The following SORCS3 variants were observed in gnomAD, a reference collection of about 807,000 sequenced individuals.
The protein encoded by SORCS3 is VPS10 domain-containing receptor SorCS3.
SORCS3 carries 57 observed loss-of-function variants against 146.3 expected under a neutral mutation model. The ratio of observed to expected loss-of-function variants is 0.39; its 90% CI spans 0.31 to 0.49. SORCS3 has a LOEUF of 0.49. Among genes scored for constraint, SORCS3 ranks in the 20% least tolerant of loss-of-function variants. The pLI, the probability that SORCS3 is intolerant of heterozygous loss-of-function variation, is 0.92. For synonymous variants in SORCS3, 653 were observed against 618.5 expected (o/e 1.06, Z -0.83); for missense variants, 1,341 against 1,575.5 (o/e 0.85, Z 2.52).
At chr10:104,781,222 C>A (rs562760559) in intron 1 of SORCS3, among the ~76,000 whole-genome samples, 1 of 152,320 alleles carries the variant, frequency 6.6e-6, no homozygotes, top group Non-Finnish European at 1.5e-5. Flanking sequence ...AGCAAGTCAT[C>A]TGAAGCCAGA....
chr10:105,088,776 T>C (rs1272490211), intron 5 of SORCS3, among the ~76,000 whole-genome samples: 1 of 152,212 alleles, frequency 6.6e-6, no homozygotes, highest in East Asian at 1.9e-4. Flanking sequence ...TTTTCATAAG[T>C]TTTCCATTTC....
chr10:104,709,108 C>G (rs80179999), intron 1 of SORCS3, among the ~76,000 whole-genome samples: 83 of 152,354 alleles, frequency 5.4e-4, no homozygotes, highest in African/African-American at 1.9e-3. Flanking sequence ...GCCTCACACT[C>G]CCTGGAAGCT....
intron 4 of SORCS3, among the ~76,000 whole-genome samples, chr10:104,977,767 C>T (rs1480386864): frequency 2.3e-5 from 3 of 132,936 alleles, no homozygotes; most frequent in Non-Finnish European, 4.7e-5. Context: ...GAGTCTCGCT[C>T]TTTCACCAGG....
intron 1 of SORCS3, among the ~76,000 whole-genome samples, chr10:104,782,115 T>C (rs2017380698): frequency 6.6e-6 from 1 of 152,230 alleles, no homozygotes; most frequent in African/African-American, 2.4e-5. Context: ...GATCATGCCA[T>C]TGTGTGCATG....
chr10:105,224,163 T>TA (rs1425645826), intron 20 of SORCS3, among the ~76,000 whole-genome samples: 1 of 152,214 alleles, frequency 6.6e-6, no homozygotes, highest in Non-Finnish European at 1.5e-5. Flanking sequence ...GATAAATGTA[T>TA]AATGACATGA....
At chr10:104,907,718 A>T (rs1028669266) in intron 2 of SORCS3, among the ~76,000 whole-genome samples, 2 of 152,226 alleles carry the variant, frequency 1.3e-5, no homozygotes, top group Non-Finnish European at 2.9e-5. Flanking sequence ...AGACTAAACA[A>T]TGCAGCCATG....
chr10:104,915,853 C>A lies in SORCS3; in HGVS notation c.716C>A (p.Thr239Asn). The A allele has an allele frequency of 6.2e-7, 1 of 1,614,044 alleles. No individual in the cohort carries two copies. Among genetic ancestry groups the A allele is most frequent in the South Asian group, 1.1e-5 (1 of 91,078 alleles). The change falls in exon 3 of 27, where the codon ACC (threonine) becomes AAC (asparagine). Residue 239 changes from threonine (T) to asparagine (N), a missense_variant. Thr to Asn is a moderately conservative substitution (Grantham distance 65). Coordinates refer to ENST00000369701, the MANE Select transcript of SORCS3 (RefSeq NM_014978.3). ...SLWRSTDYGT[T>N]YEKLNDKVGL... Reference sequence around the variant, plus strand: ...TGCAGGTCGACAGATTATGGCACCACCTATGAAAAGCTGAATGACAAAGTG... The same window carrying A: ...TGCAGGTCGACAGATTATGGCACCAACTATGAAAAGCTGAATGACAAAGTG...
chr10:105,113,517 A>G (rs2055872745), intron 7 of SORCS3, among the ~76,000 whole-genome samples: 1 of 152,132 alleles, frequency 6.6e-6, no homozygotes, highest in South Asian at 2.1e-4. Context: ...CCCAATCATA[A>G]TTTTATTTCT....
chr10:104,860,044 T>G (rs368853285), intron 2 of SORCS3, among the ~76,000 whole-genome samples: 10,408 of 105,388 alleles, frequency 0.099, 633 homozygotes, highest in South Asian at 0.28. Flanking sequence ...AGAAATACCA[T>G]TTGACCCAGC....
intron 1 of SORCS3, among the ~76,000 whole-genome samples, chr10:104,700,399 C>T (rs1380591176): frequency 6.7e-6 from 1 of 149,888 alleles, no homozygotes; most frequent in Non-Finnish European, 1.5e-5. Flanking sequence ...TTCCAGCAGA[C>T]TCCATGTGAT....
At chr10:104,831,132 C>A (rs1040892600) in intron 1 of SORCS3, among the ~76,000 whole-genome samples, 5 of 152,138 alleles carry the variant, frequency 3.3e-5, no homozygotes, top group Admixed American at 2.6e-4. Flanking sequence ...TGCACCAAGC[C>A]ACGACAAATT....
intron 2 of SORCS3, among the ~76,000 whole-genome samples, chr10:104,887,959 C>CGGGGGGGGGGGGGG: frequency 1.5e-4 from 1 of 6,590 alleles, no homozygotes; most frequent in South Asian, 2.0e-3. Context: ...ATGGTGGGGG[C>CGGGGGGGGGGGGGG]GGGGGGGCGG....
At chr10:104,763,540 A>T (rs374983554) in intron 1 of SORCS3, among the ~76,000 whole-genome samples, 1 of 152,212 alleles carries the variant, frequency 6.6e-6, no homozygotes, top group Non-Finnish European at 1.5e-5. Context: ...ACAAATATGT[A>T]TTGATAGCTG....
At chr10:105,250,911 G>T (rs368182717) in intron 22 of SORCS3, among the ~76,000 whole-genome samples, 3 of 152,064 alleles carry the variant, frequency 2.0e-5, no homozygotes, top group African/African-American at 7.2e-5. Flanking sequence ...ACTCCAATCC[G>T]TAAGCCTAAT....
chr10:105,227,820 TA>T (rs2056742918), intron 20 of SORCS3, among the ~76,000 whole-genome samples: 1 of 152,106 alleles, frequency 6.6e-6, no homozygotes, highest in African/African-American at 2.4e-5. Context: ...TTTTGTTTTT[TA>T]TTTTTTTTTA....
intron 1 of SORCS3, among the ~76,000 whole-genome samples, chr10:104,690,944 C>T (rs1209520445): frequency 6.6e-6 from 1 of 152,200 alleles, no homozygotes; most frequent in Non-Finnish European, 1.5e-5. Context: ...TTTGAAGGGT[C>T]CACTGGAAAA....
intron 1 of SORCS3, among the ~76,000 whole-genome samples, chr10:104,823,533 T>C (rs1290715988): frequency 2.0e-5 from 3 of 152,212 alleles, no homozygotes; most frequent in Non-Finnish European, 4.4e-5. Flanking sequence ...TTTGGACCAT[T>C]GCAGTATCCT....
intron 5 of SORCS3, among the ~76,000 whole-genome samples, chr10:105,076,956 G>A (rs1297584566): frequency 6.6e-6 from 1 of 152,184 alleles, no homozygotes; most frequent in East Asian, 1.9e-4. Context: ...ATGACATGGT[G>A]GTGGCTACAG....
chr10:105,193,210 G>C (rs189952092), intron 14 of SORCS3, among the ~76,000 whole-genome samples: 1 of 152,280 alleles, frequency 6.6e-6, no homozygotes, highest in East Asian at 1.9e-4. Flanking sequence ...GGAAATCCTA[G>C]CACAGTCCAG....
Sources: gnomAD v4.1 joint callset for allele counts (sites outside exome capture counted in the v4.1 genomes callset) on GRCh38, gnomAD v4.1.1 for gene constraint, MANE v1.5 for transcripts, NCBI Gene and HGNC (gene_info 2026-07-23, HGNC 2026-07-21) for gene names.